NELL1: variants seen among roughly 807,000 people sequenced by gnomAD.
The protein encoded by NELL1 is protein kinase C-binding protein NELL1.
In NELL1, 76 loss-of-function variants were observed where a neutral mutation model predicts 107.4. The observed-to-expected ratio is 0.71, with a 90% CI of 0.59 to 0.86. The LOEUF (loss-of-function observed/expected upper bound fraction) is 0.86, where lower values mean the gene tolerates loss of function less well. NELL1 is among the 40% of genes least tolerant of loss of function. The pLI is 0.00. For synonymous variants in NELL1, 353 were observed against 341.2 expected, an observed-to-expected ratio of 1.03 and a Z score of -0.38; for missense variants, 1,024 against 1,005.5, an observed-to-expected ratio of 1.02 and a Z score of -0.25.
At chr11:20,999,298 A>G (rs927125919) in intron 12 of NELL1, among the ~76,000 whole-genome samples, 1 of 152,158 alleles carries the variant, frequency 6.6e-6, no homozygotes, top group Non-Finnish European at 1.5e-5. Context: ...TTGGGACTCC[A>G]TTAAGCTTTA....
intron 12 of NELL1, among the ~76,000 whole-genome samples, chr11:21,064,624 A>G (rs111477472): frequency 1.4e-3 from 218 of 152,194 alleles, no homozygotes; most frequent in African/African-American, 4.9e-3. Flanking sequence ...TTATATTAGC[A>G]TATTATAAAA....
At chr11:20,975,199 A>C (rs1196822572) in intron 12 of NELL1, among the ~76,000 whole-genome samples, 1 of 151,576 alleles carries the variant, frequency 6.6e-6, no homozygotes, top group African/African-American at 2.4e-5. Flanking sequence ...TTTTTTTAGT[A>C]GAGATGGGGT....
chr11:21,167,501 A>G (rs144090987), intron 13 of NELL1, among the ~76,000 whole-genome samples: 36 of 151,978 alleles, frequency 2.4e-4, no homozygotes, highest in African/African-American at 8.5e-4. Context: ...AATTTGAGAT[A>G]TGTTAAGAAA....
intron 5 of NELL1, among the ~76,000 whole-genome samples, chr11:20,893,310 G>A (rs983122176): frequency 6.0e-5 from 9 of 150,920 alleles, no homozygotes; most frequent in East Asian, 1.9e-4. Flanking sequence ...TGGGTGCAGC[G>A]AACCACCATG....
rs369031611 is a variant in NELL1, at chr11:21,387,862, G to T, written c.1645+16914G>T. ...TATAATAGTAATATTTTATATTAGTGCAGATCTTTAAAGTGTCTAGTGCAT... is the reference window on the plus strand; with the variant it reads ...TATAATAGTAATATTTTATATTAGTTCAGATCTTTAAAGTGTCTAGTGCAT... On this transcript the variant is annotated intron_variant, in intron 15 of 19. Coordinates refer to ENST00000357134, the MANE Select transcript of NELL1 (RefSeq NM_006157.5). 1.8e-3 allele frequency among the ~76,000 whole-genome samples: 267 copies of T among 151,846 alleles called. 9 individuals are homozygous for T. In the South Asian group the frequency reaches 0.053, roughly 30 times the overall value.
At chr11:21,360,271 A>T (rs552088396) in intron 14 of NELL1, among the ~76,000 whole-genome samples, 146 of 152,224 alleles carry the variant, frequency 9.6e-4, no homozygotes, top group African/African-American at 3.4e-3. Flanking sequence ...AGAGCAGATT[A>T]TTTAATTTCT....
chr11:20,933,627 A>G (rs546441557), intron 9 of NELL1, among the ~76,000 whole-genome samples: 4 of 152,286 alleles, frequency 2.6e-5, no homozygotes, highest in African/African-American at 9.6e-5. Context: ...GCTGATTTTG[A>G]CATTCTAGGC....
Position 20,677,384 on chromosome 11 carries a change from G to A in NELL1, c.56-548G>A, listed in dbSNP as rs1220531346. Among the ~76,000 whole-genome samples, 3 of 152,240 alleles carry A rather than the reference G, an allele frequency of 2.0e-5. No individual in the cohort carries two copies. In the South Asian group the frequency reaches 6.2e-4, roughly 32 times the overall value. On this transcript the variant is annotated intron_variant, in intron 1 of 19. Transcript: ENST00000357134. The stretch of plus-strand genomic sequence containing the variant: ...GGATCAGGGCCACAATCTTGTATCC[G>A]CAGTCACCACCTCTATAAAGCTTGG...
chr11:21,027,022 T>C (rs914614629), intron 12 of NELL1, among the ~76,000 whole-genome samples: 6 of 152,150 alleles, frequency 3.9e-5, no homozygotes, highest in Non-Finnish European at 7.4e-5. Context: ...TGGGAAAGAT[T>C]AACAAGCATT....
At chr11:21,372,543 A>G (rs1413908853) in intron 15 of NELL1, among the ~76,000 whole-genome samples, 3 of 151,988 alleles carry the variant, frequency 2.0e-5, no homozygotes, top group African/African-American at 7.2e-5. Context: ...AACTTATGCA[A>G]TTATTAGAAC....
chr11:21,540,016 C>T (rs2133977284), intron 16 of NELL1, among the ~76,000 whole-genome samples: 1 of 152,052 alleles, frequency 6.6e-6, no homozygotes, highest in Non-Finnish European at 1.5e-5. Flanking sequence ...CCTAGATTGA[C>T]ACCATTTTCT....
At chr11:21,024,787 A>T (rs1305907655) in intron 12 of NELL1, among the ~76,000 whole-genome samples, 1 of 152,100 alleles carries the variant, frequency 6.6e-6, no homozygotes, top group Non-Finnish European at 1.5e-5. Context: ...TATAATTCAG[A>T]CTATTCTTCC....
intron 5 of NELL1, among the ~76,000 whole-genome samples, chr11:20,902,177 A>C (rs1849889706): frequency 6.6e-6 from 1 of 152,068 alleles, no homozygotes; most frequent in Admixed American, 6.6e-5. Flanking sequence ...TTACTGCATA[A>C]AATTCTAAAA....
At chr11:21,158,567 T>G (rs1391759464) in intron 13 of NELL1, among the ~76,000 whole-genome samples, 1 of 152,242 alleles carries the variant, frequency 6.6e-6, no homozygotes, top group Non-Finnish European at 1.5e-5. Flanking sequence ...ATTCTATATC[T>G]TTACCCTTTG....
chr11:20,754,892 G>GATTT lies in NELL1; in HGVS notation c.185-28787_185-28784dup, dbSNP rs551139620. On this transcript the variant is annotated intron_variant, in intron 2 of 19. Transcript: ENST00000357134. The stretch of plus-strand genomic sequence containing the variant: ...ACTGGAGCCTTAATGTTAGCCTGTG[G>GATTT]ATTTGATTGTCTTTTAGACTTAGTG... Among the ~76,000 whole-genome samples, 13 of 152,278 alleles carry GATTT rather than the reference G, an allele frequency of 8.5e-5. No individual in the cohort carries two copies. In the South Asian group the frequency reaches 2.7e-3, roughly 32 times the overall value.
intron 13 of NELL1, among the ~76,000 whole-genome samples, chr11:21,179,191 G>A (rs985624308): frequency 5.3e-5 from 8 of 151,834 alleles, no homozygotes; most frequent in Non-Finnish European, 1.2e-4. Context: ...AAGTTGGGCT[G>A]GAGCTAGATT....
In NELL1 at chr11:20,822,985, T is replaced by C. The variant is rs544956450; in HGVS notation, c.336-24598T>C. On this transcript the variant is annotated intron_variant, in intron 3 of 19. Coordinates refer to ENST00000357134, the MANE Select transcript of NELL1 (RefSeq NM_006157.5). Reference sequence around the variant, plus strand: ...CACCTAAGAGCTTGGCTTGGAAAGCTGAAGAGAACAGTTCTGCCAGTGACA... The same window carrying C: ...CACCTAAGAGCTTGGCTTGGAAAGCCGAAGAGAACAGTTCTGCCAGTGACA... 7.9e-5 allele frequency among the ~76,000 whole-genome samples: 12 copies of C among 152,290 alleles called. No individual in the cohort carries two copies. The East Asian group carries it at 1.4e-3, about 17-fold the overall frequency.
intron 12 of NELL1, among the ~76,000 whole-genome samples, chr11:21,082,075 A>G (rs532360005): frequency 6.6e-6 from 1 of 152,272 alleles, no homozygotes; most frequent in Non-Finnish European, 1.5e-5. Context: ...CTTCACCTGT[A>G]TTGCCTCTGG....
Position 21,536,510 on chromosome 11 carries a change from G to T in NELL1, c.1786+1996G>T, listed in dbSNP as rs1856142946. ...ATTCTTTGATGCCTTCCAAAGACTT[G>T]TCACTCCTTTCTTCTGCTAACTCTA... is the stretch of plus-strand genomic sequence containing the variant. On this transcript the variant is annotated intron_variant, in intron 16 of 19. Transcript: ENST00000357134. Among the ~76,000 whole-genome samples the T allele has an allele frequency of 2.0e-5, 3 of 152,080 alleles. No individual in the cohort carries two copies. In the South Asian group the frequency reaches 6.2e-4, roughly 31 times the overall value.
Sources: allele counts gnomAD v4.1 joint callset (sites outside exome capture counted in the v4.1 genomes callset), GRCh38; gene constraint gnomAD v4.1.1; transcripts MANE v1.5; gene names NCBI Gene and HGNC (gene_info 2026-07-23, HGNC 2026-07-21).